The following COMMD10 variants were observed in gnomAD, a reference collection of about 807,000 sequenced individuals.
The protein encoded by COMMD10 is COMM domain containing 10, also known as COMM domain-containing protein 10.
A neutral mutation model predicts 28.9 loss-of-function variants in COMMD10; 33 were observed. The observed-to-expected ratio is 1.14, with a 90% confidence interval of 0.87 to 1.53. COMMD10 has a LOEUF of 1.53. Ranked by LOEUF, COMMD10 falls within the 40% of genes most tolerant of loss-of-function variation. The pLI, the probability that COMMD10 is intolerant of heterozygous loss-of-function variation, is 0.00. For missense variants in COMMD10, 310 were observed against 233.4 expected, an observed-to-expected ratio of 1.33 and a Z score of -2.14; for synonymous variants, 110 against 81.7, an observed-to-expected ratio of 1.35 and a Z score of -1.87.
chr5:116,119,582 C>G (rs557589915), intron 4 of COMMD10, among the ~76,000 whole-genome samples: 1 of 151,880 alleles, frequency 6.6e-6, no homozygotes, highest in East Asian at 1.9e-4. Flanking sequence ...CCAGTCATCT[C>G]TGATACCCTG....
At chr5:116,174,386 G>A (rs1301158603) in intron 5 of COMMD10, among the ~76,000 whole-genome samples, 1 of 151,966 alleles carries the variant, frequency 6.6e-6, no homozygotes, top group Non-Finnish European at 1.5e-5. Context: ...TATAGGACTT[G>A]GTAAAGACTT....
intron 4 of COMMD10, among the ~76,000 whole-genome samples, chr5:116,122,100 G>A (rs1252388832): frequency 3.3e-5 from 5 of 152,116 alleles, no homozygotes; most frequent in African/African-American, 1.2e-4. Flanking sequence ...TTCTTCTAGG[G>A]TTTTTATGTT....
intron 5 of COMMD10, among the ~76,000 whole-genome samples, chr5:116,158,798 AAACTT>A (rs1373947825): frequency 1.3e-5 from 2 of 151,858 alleles, no homozygotes; most frequent in Non-Finnish European, 2.9e-5. Flanking sequence ...TCCACATCTA[AAACTT>A]TAAGAATTAA....
intron 4 of COMMD10, among the ~76,000 whole-genome samples, chr5:116,131,699 A>G (rs1187262989): frequency 6.6e-6 from 1 of 151,966 alleles, no homozygotes; most frequent in Non-Finnish European, 1.5e-5. Context: ...TGGAGATTGC[A>G]CTCTACTCTG....
chr5:116,146,443 T>C (rs9326992), intron 5 of COMMD10, among the ~76,000 whole-genome samples: 136,032 of 151,816 alleles, frequency 0.9, 61,085 homozygotes, highest in African/African-American at 0.94. Context: ...TTTGGAATTG[T>C]TTTTCTGAAT....
At chr5:116,225,794 G>C (rs1329658795) in intron 5 of COMMD10, among the ~76,000 whole-genome samples, 3 of 151,630 alleles carry the variant, frequency 2.0e-5, no homozygotes, top group African/African-American at 7.3e-5. Flanking sequence ...AAGAATCACA[G>C]ATTCTAAAAT....
chr5:116,245,617 C>T (rs533996336), intron 5 of COMMD10, among the ~76,000 whole-genome samples: 13 of 152,110 alleles, frequency 8.5e-5, no homozygotes, highest in South Asian at 6.2e-4. Context: ...ATAAATCCAG[C>T]GGCACATCAA....
intron 5 of COMMD10, among the ~76,000 whole-genome samples, chr5:116,285,594 G>T (rs905146087): frequency 6.6e-6 from 1 of 151,970 alleles, no homozygotes; most frequent in Non-Finnish European, 1.5e-5. Flanking sequence ...ATGCTTTTCT[G>T]TATCAATTTA....
At chr5:116,123,960 T>C (rs1365611937) in intron 4 of COMMD10, among the ~76,000 whole-genome samples, 1 of 152,126 alleles carries the variant, frequency 6.6e-6, no homozygotes, top group Admixed American at 6.6e-5. Context: ...TTCTCGCTTT[T>C]CTTCTTTATT....
intron 5 of COMMD10, among the ~76,000 whole-genome samples, chr5:116,160,262 T>C (rs1230317037): frequency 6.6e-6 from 1 of 152,226 alleles, no homozygotes; most frequent in Non-Finnish European, 1.5e-5. Context: ...TGCAGGTTAC[T>C]GTTTTGAGGA....
At chr5:116,115,786 A>G (rs1751214245) in intron 4 of COMMD10, among the ~76,000 whole-genome samples, 2 of 152,170 alleles carry the variant, frequency 1.3e-5, no homozygotes, top group Admixed American at 1.3e-4. Context: ...GGAGATACCT[A>G]AAGGAAACGA....
intron 4 of COMMD10, among the ~76,000 whole-genome samples, chr5:116,131,515 C>G (rs1020300778): frequency 1.3e-5 from 2 of 151,940 alleles, no homozygotes; most frequent in African/African-American, 4.8e-5. Flanking sequence ...GGAAATACAA[C>G]TTTTTTTCTT....
chr5:116,130,892 A>G (rs1751841934), intron 4 of COMMD10, among the ~76,000 whole-genome samples: 1 of 152,020 alleles, frequency 6.6e-6, no homozygotes, highest in South Asian at 2.1e-4. Flanking sequence ...AATATTTAAA[A>G]TATGCAATTT....
At chr5:116,184,799 A>G (rs945671051) in intron 5 of COMMD10, among the ~76,000 whole-genome samples, 1 of 152,116 alleles carries the variant, frequency 6.6e-6, no homozygotes, top group South Asian at 2.1e-4. Context: ...GATTTTATAT[A>G]TAAATGGTAG....
intron 4 of COMMD10, among the ~76,000 whole-genome samples, chr5:116,122,991 C>G (rs568809127): frequency 6.6e-6 from 1 of 152,238 alleles, no homozygotes; most frequent in East Asian, 1.9e-4. Context: ...CCTGCTTGCC[C>G]TGGCCAGAAC....
chr5:116,128,571 G>A (rs1751739360), intron 4 of COMMD10, among the ~76,000 whole-genome samples: 1 of 151,900 alleles, frequency 6.6e-6, no homozygotes, highest in South Asian at 2.1e-4. Flanking sequence ...TATTTCACAT[G>A]TAACTAAAAT....
intron 5 of COMMD10, among the ~76,000 whole-genome samples, chr5:116,215,915 G>A (rs1177480035): frequency 6.6e-6 from 1 of 151,290 alleles, no homozygotes; most frequent in East Asian, 1.9e-4. Context: ...AAAATATACT[G>A]AATACCTAGA....
At chr5:116,152,000 A>G (rs1752544138) in intron 5 of COMMD10, among the ~76,000 whole-genome samples, 2 of 152,144 alleles carry the variant, frequency 1.3e-5, no homozygotes, top group South Asian at 4.1e-4. Context: ...ATTTAGTGCT[A>G]TAAATTTCCC....
chr5:116,095,307 A>G (rs1302074868), intron 4 of COMMD10, among the ~76,000 whole-genome samples: 4 of 152,218 alleles, frequency 2.6e-5, no homozygotes, highest in African/African-American at 9.6e-5. Flanking sequence ...CAAAAATATT[A>G]TGTATTGATT....
Sources: gnomAD v4.1 joint callset for allele counts (sites outside exome capture counted in the v4.1 genomes callset) on GRCh38, gnomAD v4.1.1 for gene constraint, MANE v1.5 for transcripts, NCBI Gene and HGNC (gene_info 2026-07-23, HGNC 2026-07-21) for gene names.